Variants in ADGRV1 observed in about 807,000 individuals in gnomAD.
ADGRV1 encodes G-protein coupled receptor 98.
In ADGRV1, 359 loss-of-function variants were observed where a neutral mutation model predicts 596.2. The observed-to-expected ratio is 0.60, with a 90% CI of 0.55 to 0.66. ADGRV1 has a LOEUF of 0.66. Among genes scored for constraint, ADGRV1 ranks in the 30% least tolerant of loss-of-function variants. The pLI is 0.00. For missense variants in ADGRV1, 7,274 were observed against 7,575.6 expected (o/e 0.96, Z 1.48); for synonymous variants, 2,681 against 2,679.2 (o/e 1.00, Z -0.02).
At chr5:91,149,902 C>A in intron 87 of ADGRV1, 128 bp from the exon 88 acceptor site, 1 of 569,538 alleles carries the variant, frequency 1.8e-6, no homozygotes, top group Non-Finnish European at 2.8e-6. Context: ...TTGGGTATTT[C>A]TTCATAGCAG....
chr5:91,109,381 T>C (rs1015649113), intron 87 of ADGRV1, among the ~76,000 whole-genome samples: 1 of 152,166 alleles, frequency 6.6e-6, no homozygotes, highest in East Asian at 1.9e-4. Context: ...AGCATGATCA[T>C]GATAATTGTG....
intron 85 of ADGRV1, among the ~76,000 whole-genome samples, chr5:90,986,286 A>G (rs910017852): frequency 1.3e-5 from 2 of 151,844 alleles, no homozygotes; most frequent in African/African-American, 4.8e-5. Context: ...ATAAGAAAAA[A>G]TAGCCTATTC....
intron 81 of ADGRV1, among the ~76,000 whole-genome samples, chr5:90,854,439 A>G (rs1416796380): frequency 6.6e-6 from 1 of 152,172 alleles, no homozygotes; most frequent in Non-Finnish European, 1.5e-5. Context: ...CATTTTTACT[A>G]CTTTCACGGG....
chr5:90,889,789 G>T (rs1770637211), intron 83 of ADGRV1, among the ~76,000 whole-genome samples: 1 of 151,998 alleles, frequency 6.6e-6, no homozygotes, highest in Admixed American at 6.6e-5. Flanking sequence ...TTTCATATGA[G>T]GATAATTGTC....
chr5:90,954,579 T>TTATC (rs1371940741), intron 83 of ADGRV1, among the ~76,000 whole-genome samples: 26 of 152,212 alleles, frequency 1.7e-4, no homozygotes, highest in African/African-American at 6.0e-4. Context: ...CTATGATGCA[T>TTATC]TATCTATAAA....
Position 90,823,547 on chromosome 5 carries a change from C to A in ADGRV1, c.16319C>A (p.Thr5440Lys), listed in dbSNP as rs1763798205. 2.5e-6 allele frequency: 4 copies of A among 1,613,918 alleles called. No homozygotes were observed. The highest frequency in any genetic ancestry group is 3.4e-6 in the Non-Finnish European group (4 of 1,179,848). The change falls in exon 76 of 90, where the codon ACA (threonine) becomes AAA (lysine). Residue 5440 changes from threonine (T) to lysine (K), a missense_variant. Physicochemically the swap from Thr to Lys is moderately conservative, Grantham distance 78. Transcript: ENST00000405460. ...LQSVSGTTTC[T>K]MGQTKCFISI... Reference sequence around the variant, plus strand: ...TCTGTGTCAGGGACCACAACCTGTACAATGGGTCAAACAAAATGCTTTATC... The same window carrying A: ...TCTGTGTCAGGGACCACAACCTGTAAAATGGGTCAAACAAAATGCTTTATC...
chr5:90,884,237 C>A (rs184014719), intron 83 of ADGRV1, among the ~76,000 whole-genome samples: 2 of 152,220 alleles, frequency 1.3e-5, no homozygotes, highest in East Asian at 3.9e-4. Flanking sequence ...AGCACACTTC[C>A]CCTAAAACAT....
At chr5:90,993,393 GTGAT>G (rs1203118429) in intron 85 of ADGRV1, among the ~76,000 whole-genome samples, 1 of 151,930 alleles carries the variant, frequency 6.6e-6, no homozygotes, top group Non-Finnish European at 1.5e-5. Context: ...TCCTGATCTT[GTGAT>G]CCACCCACCT....
chr5:91,130,859 C>T lies in ADGRV1; in HGVS notation c.18433-19171C>T, dbSNP rs77267772. ...AGTCAAAGTTAGTTCCACTTATAAGCGAGGACATGCGGTATTTGATTCTGT... is the reference window on the plus strand; with the variant it reads ...AGTCAAAGTTAGTTCCACTTATAAGTGAGGACATGCGGTATTTGATTCTGT... On this transcript the variant is annotated intron_variant, in intron 87 of 89. Transcript: ENST00000405460. Among the ~76,000 whole-genome samples the T allele has an allele frequency of 2.9e-3, 441 of 152,284 alleles. 4 individuals carry two copies. The East Asian group carries it at 0.031, about 11-fold the overall frequency.
chr5:90,628,619 T>C lies in ADGRV1; in HGVS notation c.1296T>C (p.Asn432=). 6.2e-7 allele frequency: 1 copy of C among 1,613,830 alleles called. No individual in the cohort carries two copies. Among genetic ancestry groups the C allele is most frequent in the Non-Finnish European group, 8.5e-7 (1 of 1,179,716 alleles). The change falls in exon 8 of 90, where the codon AAT becomes AAC. Residue 432 remains asparagine (N), a synonymous_variant. Transcript: ENST00000405460. ...GAACCCATGGGAATGTCTCTGCGAATTGGGTGTTGACACGGAACAGCACTG... is the reference window on the plus strand; with the variant it reads ...GAACCCATGGGAATGTCTCTGCGAACTGGGTGTTGACACGGAACAGCACTG... ...NGGTHGNVSA[N]WVLTRNSTDP... is the part of the protein sequence containing the mutation.
At position 90,778,993 on chromosome 5, in the gene ADGRV1, A is replaced by G. The variant is rs200083687; in HGVS notation, c.12978A>G (p.Ala4326=). ...CAGCAGGGGAGCTCCTCTTTGAAGC[A>G]GGGGAGATGAGGAAAAGTCTGCATG... is the stretch of plus-strand genomic sequence containing the variant. ...VPAAGELLFE[A]GEMRKSLHVE... is the part of the protein sequence containing the mutation. The change falls in exon 64 of 90, where the codon GCA becomes GCG. Residue 4326 remains alanine (A), a synonymous_variant. Coordinates refer to ENST00000405460, the MANE Select transcript of ADGRV1 (RefSeq NM_032119.4). 6.5e-5 allele frequency: 105 copies of G among 1,613,358 alleles called. 1 individual carries two copies. The highest frequency in any genetic ancestry group is 8.3e-5 in the Admixed American group (5 of 59,944).
intron 83 of ADGRV1, among the ~76,000 whole-genome samples, chr5:90,954,883 G>A (rs187994376): frequency 1.0e-3 from 155 of 152,216 alleles, no homozygotes; most frequent in Non-Finnish European, 1.6e-3. Context: ...ATTTGCTTTG[G>A]ACTGAATCTT....
At chr5:90,621,722 A>C (rs1034689531) in intron 4 of ADGRV1, among the ~76,000 whole-genome samples, 1 of 151,996 alleles carries the variant, frequency 6.6e-6, no homozygotes. Flanking sequence ...GCAGCCTCTG[A>C]CATCCTTAAA....
intron 21 of ADGRV1, among the ~76,000 whole-genome samples, chr5:90,668,169 C>T (rs1282242372): frequency 6.6e-6 from 1 of 151,952 alleles, no homozygotes; most frequent in Non-Finnish European, 1.5e-5. Context: ...CTTTGTTTAC[C>T]TAAGCAAGCC....
chr5:90,877,427 T>G (rs562075957), intron 83 of ADGRV1, among the ~76,000 whole-genome samples: 12 of 152,264 alleles, frequency 7.9e-5, no homozygotes, highest in Non-Finnish European at 1.3e-4. Context: ...GGAAAGAATT[T>G]GGGTTCCACA....
At position 90,651,612 on chromosome 5, in the gene ADGRV1, G is replaced by A. The variant is rs775097585; in HGVS notation, c.3298G>A (p.Val1100Ile). 14 of 1,570,612 alleles carry A rather than the reference G, an allele frequency of 8.9e-6. No homozygotes were observed. The highest frequency in any genetic ancestry group is 1.2e-5 in the Non-Finnish European group (14 of 1,143,406). The change falls in exon 18 of 90, where the codon GTA becomes ATA. Residue 1100 changes from valine to isoleucine, a missense_variant. Coordinates refer to ENST00000405460, the MANE Select transcript of ADGRV1 (RefSeq NM_032119.4). ...TTCCACTTTTAATTTAGGTGATACAGTAGTATATCAATATGGAGTAGCTAC... is the reference window on the plus strand; with the variant it reads ...TTCCACTTTTAATTTAGGTGATACAATAGTATATCAATATGGAGTAGCTAC... ...IILLNSTGDT[V>I]VYQYGVATVI...
Position 90,733,322 on chromosome 5 carries a change from A to C in ADGRV1, c.10549+3558A>C, listed in dbSNP as rs76152968. ...GATGAACTTGTTTATAGGTGTCTTTAGTTTGAGATAATATAGAAGCATGTG... is the reference window on the plus strand; with the variant it reads ...GATGAACTTGTTTATAGGTGTCTTTCGTTTGAGATAATATAGAAGCATGTG... On this transcript the variant is annotated intron_variant, in intron 50 of 89. Transcript: ENST00000405460. Among the ~76,000 whole-genome samples, 813 of 152,260 alleles carry C rather than the reference A, an allele frequency of 5.3e-3. 7 individuals carry two copies. Among genetic ancestry groups the C allele is most frequent in the Non-Finnish European group, 8.1e-3 (553 of 68,002 alleles).
intron 86 of ADGRV1, among the ~76,000 whole-genome samples, chr5:91,075,223 A>G (rs1788745286): frequency 6.6e-6 from 1 of 152,064 alleles, no homozygotes; most frequent in Non-Finnish European, 1.5e-5. Flanking sequence ...CTTTTAATCA[A>G]CTTGGGATTC....
At chr5:91,034,937 A>T (rs1451091380) in intron 85 of ADGRV1, among the ~76,000 whole-genome samples, 1 of 151,986 alleles carries the variant, frequency 6.6e-6, no homozygotes, top group Non-Finnish European at 1.5e-5. Flanking sequence ...AGGCATGCTA[A>T]TTTTGTTATT....
Sources: gnomAD v4.1 joint callset for allele counts (sites outside exome capture counted in the v4.1 genomes callset) on GRCh38, gnomAD v4.1.1 for gene constraint, MANE v1.5 for transcripts, NCBI Gene and HGNC (gene_info 2026-07-23, HGNC 2026-07-21) for gene names.